NOL4: variants seen among roughly 807,000 people sequenced by gnomAD.
NOL4 encodes the protein nucleolar protein 4.
A neutral mutation model predicts 75.9 loss-of-function variants in NOL4; 17 were observed. The observed-to-expected ratio is 0.22, with a 90% confidence interval of 0.15 to 0.34. The LOEUF is 0.34. Among genes scored for constraint, NOL4 ranks in the 10% least tolerant of loss-of-function variants. The pLI, the probability that NOL4 is intolerant of heterozygous loss-of-function variation, is 1.00. For missense variants in NOL4, 614 were observed against 793.5 expected (o/e 0.77, Z 2.72); for synonymous variants, 292 against 289.9 (o/e 1.01, Z -0.07).
chr18:34,092,299 C>T (rs1422828911), intron 5 of NOL4, among the ~76,000 whole-genome samples: 1 of 152,044 alleles, frequency 6.6e-6, no homozygotes, highest in Non-Finnish European at 1.5e-5. Flanking sequence ...AAATAAATTG[C>T]TTTTCTACTA....
chr18:34,001,500 C>T (rs959697739), intron 6 of NOL4, among the ~76,000 whole-genome samples: 3 of 151,986 alleles, frequency 2.0e-5, no homozygotes. Context: ...CTTCATAGCC[C>T]TGACACAGTC....
At chr18:34,016,517 T>A (rs2074703192) in intron 6 of NOL4, among the ~76,000 whole-genome samples, 1 of 152,034 alleles carries the variant, frequency 6.6e-6, no homozygotes, top group Admixed American at 6.6e-5. Flanking sequence ...GCTGCAGCCA[T>A]GCTAAGCTCC....
chr18:33,859,556 AC>A (rs1377193380), intron 10 of NOL4, among the ~76,000 whole-genome samples: 3 of 152,038 alleles, frequency 2.0e-5, no homozygotes, highest in African/African-American at 4.8e-5. Context: ...CTATTTTGTT[AC>A]TTTTTAATTT....
chr18:33,923,420 A>G (rs2067152117), intron 9 of NOL4, among the ~76,000 whole-genome samples: 1 of 151,968 alleles, frequency 6.6e-6, no homozygotes, highest in African/African-American at 2.4e-5. Flanking sequence ...TTAACAGTTT[A>G]TCTGAGTGTT....
At chr18:33,934,757 G>C (rs1424689155) in intron 9 of NOL4, among the ~76,000 whole-genome samples, 1 of 152,034 alleles carries the variant, frequency 6.6e-6, no homozygotes. Context: ...TTGGTGTAAG[G>C]GAATGTGGCT....
chr18:33,858,130 T>C (rs2062921223), intron 10 of NOL4, among the ~76,000 whole-genome samples: 1 of 152,072 alleles, frequency 6.6e-6, no homozygotes, highest in Non-Finnish European at 1.5e-5. Flanking sequence ...TATTTCAATT[T>C]CCTCAAGCTT....
At chr18:34,162,374 A>C (rs1336055196) in intron 1 of NOL4, among the ~76,000 whole-genome samples, 1 of 152,208 alleles carries the variant, frequency 6.6e-6, no homozygotes, top group African/African-American at 2.4e-5. Context: ...GAGAAGAATC[A>C]AATAGACGCA....
chr18:34,021,783 T>C (rs958170359), intron 5 of NOL4, among the ~76,000 whole-genome samples: 3 of 152,048 alleles, frequency 2.0e-5, no homozygotes, highest in Non-Finnish European at 4.4e-5. Context: ...AGTAATGGAA[T>C]AGGCAAGAGT....
chr18:33,948,874 C>T (rs367973316), intron 8 of NOL4, among the ~76,000 whole-genome samples: 46 of 151,910 alleles, frequency 3.0e-4, no homozygotes, highest in Non-Finnish European at 4.7e-4. Flanking sequence ...ATAATATACA[C>T]GGAAGTGCAT....
At chr18:33,902,080 T>C (rs570719629) in intron 9 of NOL4, among the ~76,000 whole-genome samples, 1 of 152,108 alleles carries the variant, frequency 6.6e-6, no homozygotes, top group East Asian at 1.9e-4. Flanking sequence ...CCAAGTATGC[T>C]GTAGATGGTT....
At chr18:34,007,864 G>GT (rs2074126792) in intron 6 of NOL4, among the ~76,000 whole-genome samples, 1 of 151,844 alleles carries the variant, frequency 6.6e-6, no homozygotes, top group Non-Finnish European at 1.5e-5. Context: ...GGTTTAAGAA[G>GT]TTGCATATGG....
chr18:34,062,833 A>G (rs1045854836), intron 5 of NOL4, among the ~76,000 whole-genome samples: 3 of 152,110 alleles, frequency 2.0e-5, no homozygotes, highest in Non-Finnish European at 4.4e-5. Flanking sequence ...AACTATCTAT[A>G]TCCAGAATAA....
At chr18:34,040,936 G>A (rs2076112784) in intron 5 of NOL4, among the ~76,000 whole-genome samples, 1 of 151,938 alleles carries the variant, frequency 6.6e-6, no homozygotes, top group Non-Finnish European at 1.5e-5. Context: ...AGAAATGGGT[G>A]CAGAGAACAT....
intron 6 of NOL4, among the ~76,000 whole-genome samples, chr18:33,963,410 C>T (rs929068532): frequency 9.9e-5 from 15 of 152,246 alleles, no homozygotes; most frequent in African/African-American, 2.9e-4. Flanking sequence ...TACTATAGGT[C>T]TCCAAATAAC....
At chr18:34,041,875 G>A (rs776567218) in intron 5 of NOL4, among the ~76,000 whole-genome samples, 1 of 151,696 alleles carries the variant, frequency 6.6e-6, no homozygotes, top group Non-Finnish European at 1.5e-5. Context: ...ATTATACAGG[G>A]CTACAGTTTA....
rs746641740 is a variant in NOL4 at position 33,851,589 on chromosome 18, TAAG to T, written c.*1250_*1252del. 2.0e-5 allele frequency: 3 copies of T among 152,434 alleles called. No individual in the cohort carries two copies. The highest frequency in any genetic ancestry group is 4.4e-5 in the Non-Finnish European group (3 of 67,992). 9.4% of individuals were successfully genotyped at this position (152,434 alleles called of 1,614,324 possible). Reference sequence around the variant, plus strand: ...AGCTAAACAACAGAAAAAAGTTGTATAAGAAGCATGAACTAAAGTACTTCTCCC... The same window carrying T: ...AGCTAAACAACAGAAAAAAGTTGTATAAGCATGAACTAAAGTACTTCTCCC... On this transcript the variant is annotated 3_prime_UTR_variant, in exon 11 of 11. Coordinates refer to ENST00000261592, the MANE Select transcript of NOL4 (RefSeq NM_003787.5).
intron 9 of NOL4, among the ~76,000 whole-genome samples, chr18:33,911,352 C>G (rs2066390647): frequency 6.6e-6 from 1 of 151,910 alleles, no homozygotes; most frequent in Admixed American, 6.6e-5. Flanking sequence ...TCTGCTTTTT[C>G]TCTTTCTCTA....
rs143900418 is a variant in NOL4, at chr18:33,852,054, T to G, written c.*788A>C. 70 of 152,490 alleles carry G rather than the reference T, an allele frequency of 4.6e-4. No individual in the cohort carries two copies. The highest frequency in any genetic ancestry group is 1.5e-3 in the African/African-American group (62 of 41,508). 9.4% of individuals were successfully genotyped at this position (152,490 alleles called of 1,614,324 possible). On this transcript the variant is annotated 3_prime_UTR_variant, in exon 11 of 11. Coordinates refer to ENST00000261592, the MANE Select transcript of NOL4 (RefSeq NM_003787.5). ...CATTATTAAAAAAAAAATTCTGGGA[T>G]GAAAACTGCTATGATAAAGTTGCAG...
intron 1 of NOL4, among the ~76,000 whole-genome samples, chr18:34,135,667 C>T (rs1276236128): frequency 1.6e-5 from 2 of 126,122 alleles, no homozygotes; most frequent in Non-Finnish European, 3.1e-5. Flanking sequence ...CACTGCACTC[C>T]AGCCTGGGCG....
Sources: allele counts gnomAD v4.1 joint callset (sites outside exome capture counted in the v4.1 genomes callset), GRCh38; gene constraint gnomAD v4.1.1; transcripts MANE v1.5; gene names NCBI Gene and HGNC (gene_info 2026-07-23, HGNC 2026-07-21).